ADD3: variants seen among roughly 807,000 people sequenced by gnomAD.
ADD3 encodes the protein gamma-adducin.
A neutral mutation model predicts 80.2 loss-of-function variants in ADD3; 25 were observed. That is an observed-to-expected ratio of 0.31 (90% CI 0.23 to 0.44). The LOEUF is 0.44. Ranked by LOEUF, ADD3 falls within the 20% of genes least tolerant of loss-of-function variation. ADD3 has a pLI of 1.00. For missense variants in ADD3, 829 were observed against 847.5 expected (o/e 0.98, Z 0.27); for synonymous variants, 284 against 289.6 (o/e 0.98, Z 0.20).
chr10:110,002,627 G>T (rs1010168420), upstream of ADD3, among the ~76,000 whole-genome samples: 4 of 152,076 alleles, frequency 2.6e-5, no homozygotes, highest in Admixed American at 2.0e-4. Flanking sequence ...TTCTACATAT[G>T]AGTGGGCCTC....
intron 1 of ADD3, among the ~76,000 whole-genome samples, chr10:110,056,264 T>C (rs1858179156): frequency 6.6e-6 from 1 of 152,234 alleles, no homozygotes; most frequent in South Asian, 2.1e-4. Flanking sequence ...ATAAATTGCA[T>C]ACTAGAGTTA....
rs186264287 is a variant in ADD3 at position 110,077,155 on chromosome 10, C to T, written c.-29-23470C>T. ...ATTGTCTATTGTAATACTGATTGCT[C>T]ACAGCTTAAGGGGAAACACAGATAA... On this transcript the variant is annotated intron_variant, in intron 1 of 14. Transcript: ENST00000356080. 12 of 152,294 alleles carry T rather than the reference C, an allele frequency of 7.9e-5. No individual in the cohort carries two copies. The East Asian group carries it at 2.3e-3, about 29-fold the overall frequency. The allele number at this position is 152,294 out of a possible 1,614,324, so 9.4% of individuals were successfully genotyped here.
chr10:110,115,816 A>G (rs1344056180), intron 3 of ADD3, among the ~76,000 whole-genome samples: 1 of 152,268 alleles, frequency 6.6e-6, no homozygotes, highest in Non-Finnish European at 1.5e-5. Context: ...CAGAAATCAT[A>G]CTACTATTTG....
chr10:110,118,726 C>G lies in ADD3; in HGVS notation c.707C>G (p.Ala236Gly). The change falls in exon 6 of 15, where the codon GCA becomes GGA. Residue 236 changes from alanine (A) to glycine (G), a missense_variant. By Grantham distance (60) the Ala-to-Gly change is moderately conservative. Coordinates refer to ENST00000356080, the MANE Select transcript of ADD3 (RefSeq NM_016824.5). ...TGTGTGATACACATCCATACCCTTGCAACAGCAGCTGTAAGTCAATGAAAG... is the reference window on the plus strand; with the variant it reads ...TGTGTGATACACATCCATACCCTTGGAACAGCAGCTGTAAGTCAATGAAAG... ...VKCVIHIHTL[A>G]TAAVSSMKCG... is the part of the protein sequence containing the mutation. 2 of 1,613,728 alleles carry G rather than the reference C, an allele frequency of 1.2e-6. No individual in the cohort carries two copies. The highest frequency in any genetic ancestry group is 1.7e-6 in the Non-Finnish European group (2 of 1,179,742).
At chr10:110,076,549 G>C (rs1351269958) in intron 1 of ADD3, among the ~76,000 whole-genome samples, 1 of 152,078 alleles carries the variant, frequency 6.6e-6, no homozygotes, top group Non-Finnish European at 1.5e-5. Context: ...GTATTGCTAG[G>C]AGAACTAGAG....
At chr10:110,096,311 A>G (rs1221217964) in intron 1 of ADD3, among the ~76,000 whole-genome samples, 2 of 120,446 alleles carry the variant, frequency 1.7e-5, no homozygotes, top group Non-Finnish European at 3.0e-5. Flanking sequence ...CCCTCTCTCC[A>G]GTCTCCAGTA....
chr10:110,055,894 C>G (rs1315816208), intron 1 of ADD3, among the ~76,000 whole-genome samples: 1 of 152,208 alleles, frequency 6.6e-6, no homozygotes. Flanking sequence ...TATTAAATGA[C>G]ATAAAGCTCA....
chr10:110,125,619 C>A, intron 10 of ADD3: 1 of 340,020 alleles, frequency 2.9e-6, no homozygotes, highest in Non-Finnish European at 5.3e-6. Context: ...TTATGTGAAT[C>A]GTAATGGCAT....
chr10:110,022,851 G>C (rs574354231), intron 1 of ADD3, among the ~76,000 whole-genome samples: 1 of 151,850 alleles, frequency 6.6e-6, no homozygotes, highest in East Asian at 1.9e-4. Context: ...CTGTTGGGGA[G>C]GAGGGTGAAT....
At chr10:110,031,259 G>T (rs923489153) in intron 1 of ADD3, among the ~76,000 whole-genome samples, 2 of 152,156 alleles carry the variant, frequency 1.3e-5, no homozygotes, top group Non-Finnish European at 2.9e-5. Flanking sequence ...GGCAACAAGA[G>T]CAAAACTCTG....
intron 8 of ADD3, 92 bp downstream of exon 8, chr10:110,119,656 T>C: frequency 1.8e-6 from 2 of 1,083,260 alleles, no homozygotes; most frequent in Non-Finnish European, 1.4e-6. Context: ...TATTAGTTAG[T>C]GGCTTTTTGT....
chr10:110,074,242 A>G (rs1042910080), intron 1 of ADD3, among the ~76,000 whole-genome samples: 1 of 152,216 alleles, frequency 6.6e-6, no homozygotes, highest in Non-Finnish European at 1.5e-5. Context: ...TTAACAAATC[A>G]AACTTTGTGA....
At chr10:110,130,822 C>G (rs1405131534) in intron 13 of ADD3, among the ~76,000 whole-genome samples, 2 of 150,474 alleles carry the variant, frequency 1.3e-5, no homozygotes, top group African/African-American at 4.9e-5. Context: ...CACCACTGCA[C>G]TGCAGCCTGG....
chr10:110,021,354 C>A (rs1387398548), intron 1 of ADD3, among the ~76,000 whole-genome samples: 3 of 152,164 alleles, frequency 2.0e-5, no homozygotes, highest in Non-Finnish European at 4.4e-5. Context: ...CGATCCAGCA[C>A]TTCTCATAGG....
At chr10:110,049,841 C>A (rs924190789) in intron 1 of ADD3, among the ~76,000 whole-genome samples, 1 of 150,150 alleles carries the variant, frequency 6.7e-6, no homozygotes, top group African/African-American at 2.5e-5. Flanking sequence ...GAGCCGAGAT[C>A]GCGCCACTGC....
chr10:110,110,509 G>A (rs189063622), intron 2 of ADD3, among the ~76,000 whole-genome samples: 16 of 152,166 alleles, frequency 1.1e-4, no homozygotes, highest in African/African-American at 3.4e-4. Context: ...TGCTAAGCTC[G>A]GTCCTTTATG....
At position 110,008,187 on chromosome 10, in the gene ADD3, G is replaced by C. The variant is rs1204278462; in HGVS notation, c.-142G>C. ...TCCCCTTCTCCCGCCCTACCCTCTG[G>C]GGCTCTGCGGCGCTTAAGAGGCGGC... On this transcript the variant is annotated 5_prime_UTR_variant, in exon 1 of 15. Transcript: ENST00000356080. 6.6e-6 allele frequency: 1 copy of C among 152,336 alleles called. No homozygotes were observed. Among genetic ancestry groups the C allele is most frequent in the Non-Finnish European group, 1.5e-5 (1 of 68,134 alleles). The allele number at this position is 152,336 out of a possible 1,614,324, so 9.4% of individuals were successfully genotyped here.
At chr10:110,081,945 C>G (rs1846104907) in intron 1 of ADD3, among the ~76,000 whole-genome samples, 1 of 152,092 alleles carries the variant, frequency 6.6e-6, no homozygotes, top group South Asian at 2.1e-4. Context: ...GTGGCAAAAT[C>G]AGTCAAATAG....
chr10:110,072,680 T>G (rs2481106), intron 1 of ADD3, among the ~76,000 whole-genome samples: 53,261 of 152,144 alleles, frequency 0.35, 14,353 homozygotes, highest in African/African-American at 0.74. Flanking sequence ...ACTTGGATAG[T>G]CTCTCATTAT....
Sources: gnomAD v4.1 joint callset for allele counts (sites outside exome capture counted in the v4.1 genomes callset) on GRCh38, gnomAD v4.1.1 for gene constraint, MANE v1.5 for transcripts, NCBI Gene and HGNC (gene_info 2026-07-23, HGNC 2026-07-21) for gene names.